The following CAMKMT variants were observed in gnomAD, a reference collection of about 807,000 sequenced individuals.
CAMKMT encodes the protein CaM KMT.
CAMKMT carries 53 observed loss-of-function variants against 48.0 expected under a neutral mutation model. The ratio of observed to expected loss-of-function variants is 1.10; its 90% CI spans 0.89 to 1.39. The LOEUF (loss-of-function observed/expected upper bound fraction) is 1.39. Ranked by LOEUF, CAMKMT falls within the 40% of genes most tolerant of loss-of-function variation. The pLI is 0.00. For synonymous variants in CAMKMT, 165 were observed against 152.3 expected, an observed-to-expected ratio of 1.08 and a Z score of -0.61; for missense variants, 428 against 402.7, an observed-to-expected ratio of 1.06 and a Z score of -0.54.
chr2:44,748,182 G>A (rs533885567), intron 8 of CAMKMT, among the ~76,000 whole-genome samples: 1 of 152,238 alleles, frequency 6.6e-6, no homozygotes, highest in Non-Finnish European at 1.5e-5. Context: ...GAGCTTACTT[G>A]GAATAAAGAT....
chr2:44,675,321 A>T (rs1345870605), intron 3 of CAMKMT, among the ~76,000 whole-genome samples: 1 of 152,134 alleles, frequency 6.6e-6, no homozygotes, highest in African/African-American at 2.4e-5. Flanking sequence ...TAATTGTCAG[A>T]TTCCGGAATC....
rs1052088744 is a variant in CAMKMT at position 44,772,229 on chromosome 2, G to A, written c.*116G>A. 5.1e-5 allele frequency: 41 copies of A among 803,210 alleles called. No individual in the cohort carries two copies. Among genetic ancestry groups the A allele is most frequent in the Non-Finnish European group, 7.5e-5 (37 of 491,974 alleles). The allele number at this position is 803,210 out of a possible 1,614,324, so 49.8% of individuals were successfully genotyped here. A position where few individuals can be genotyped will look rare whatever the true frequency, so the allele number is the denominator to read the frequency against. Reference sequence around the variant, plus strand: ...GCCTGCGCCCTTTGCAGCATTTCACGTGTGGGCTATGGACTCCACCTGTCC... The same window carrying A: ...GCCTGCGCCCTTTGCAGCATTTCACATGTGGGCTATGGACTCCACCTGTCC... On this transcript the variant is annotated 3_prime_UTR_variant, in exon 11 of 11. Coordinates refer to ENST00000378494, the MANE Select transcript of CAMKMT (RefSeq NM_024766.5).
intron 3 of CAMKMT, among the ~76,000 whole-genome samples, chr2:44,396,803 G>T (rs1192857382): frequency 2.0e-5 from 3 of 151,542 alleles, no homozygotes; most frequent in Non-Finnish European, 4.4e-5. Flanking sequence ...GCTCACACCT[G>T]TAATCCCAGC....
intron 3 of CAMKMT, among the ~76,000 whole-genome samples, chr2:44,692,516 T>C (rs1676718736): frequency 6.6e-6 from 1 of 152,250 alleles, no homozygotes; most frequent in Admixed American, 6.5e-5. Flanking sequence ...GTGTCTATTT[T>C]CCCTATGAAA....
intron 3 of CAMKMT, among the ~76,000 whole-genome samples, chr2:44,581,999 A>G (rs1403413741): frequency 6.6e-6 from 1 of 152,264 alleles, no homozygotes; most frequent in Non-Finnish European, 1.5e-5. Flanking sequence ...ACTCCGTCTC[A>G]AAAACAAAAA....
At chr2:44,392,840 A>G (rs1681479324) in intron 3 of CAMKMT, among the ~76,000 whole-genome samples, 1 of 152,080 alleles carries the variant, frequency 6.6e-6, no homozygotes. Flanking sequence ...GTATCAGTTC[A>G]TAAATCACCA....
chr2:44,584,194 G>T (rs1159057748), intron 3 of CAMKMT, among the ~76,000 whole-genome samples: 1 of 152,110 alleles, frequency 6.6e-6, no homozygotes, highest in Non-Finnish European at 1.5e-5. Flanking sequence ...TATCACTGGT[G>T]TTTTCCTTAT....
At chr2:44,469,290 T>A (rs1668291685) in intron 3 of CAMKMT, among the ~76,000 whole-genome samples, 1 of 152,054 alleles carries the variant, frequency 6.6e-6, no homozygotes, top group Non-Finnish European at 1.5e-5. Flanking sequence ...TTTTTAAAAA[T>A]TAGCTTATTT....
chr2:44,698,480 C>T (rs907038767), intron 3 of CAMKMT, among the ~76,000 whole-genome samples: 1 of 152,198 alleles, frequency 6.6e-6, no homozygotes, highest in African/African-American at 2.4e-5. Flanking sequence ...CTTTGCTTTC[C>T]TGGTGCATAT....
intron 3 of CAMKMT, among the ~76,000 whole-genome samples, chr2:44,632,577 C>G (rs1318695078): frequency 6.6e-6 from 1 of 152,028 alleles, no homozygotes; most frequent in Non-Finnish European, 1.5e-5. Flanking sequence ...AACAAAAATC[C>G]CTAATACAGT....
At chr2:44,487,682 C>A (rs1157331774) in intron 3 of CAMKMT, among the ~76,000 whole-genome samples, 2 of 152,168 alleles carry the variant, frequency 1.3e-5, no homozygotes, top group Non-Finnish European at 2.9e-5. Flanking sequence ...AACCTGTGTC[C>A]TGGGATGAGA....
intron 3 of CAMKMT, among the ~76,000 whole-genome samples, chr2:44,697,446 C>T (rs569515085): frequency 3.4e-4 from 51 of 152,036 alleles, no homozygotes; most frequent in African/African-American, 1.2e-3. Flanking sequence ...GAGATTTCCT[C>T]ATAAGGTTGA....
chr2:44,686,133 C>A (rs987047077), intron 3 of CAMKMT, among the ~76,000 whole-genome samples: 2 of 152,154 alleles, frequency 1.3e-5, no homozygotes, highest in African/African-American at 4.8e-5. Context: ...GTGGCTCACG[C>A]CTGTAATCCC....
intron 6 of CAMKMT, among the ~76,000 whole-genome samples, chr2:44,714,585 C>A (rs1440114174): frequency 6.6e-6 from 1 of 152,200 alleles, no homozygotes; most frequent in Non-Finnish European, 1.5e-5. Flanking sequence ...TGCTGCTCCT[C>A]TCCACCCCTC....
At chr2:44,588,161 C>T (rs1669990758) in intron 3 of CAMKMT, among the ~76,000 whole-genome samples, 1 of 135,556 alleles carries the variant, frequency 7.4e-6, no homozygotes, top group Non-Finnish European at 1.6e-5. Flanking sequence ...GCGCCTCTGC[C>T]CGGCCGCCCC....
chr2:44,538,932 CTT>C (rs1666930388), intron 3 of CAMKMT, among the ~76,000 whole-genome samples: 1 of 145,054 alleles, frequency 6.9e-6, no homozygotes, highest in African/African-American at 2.6e-5. Flanking sequence ...CTACACTTTT[CTT>C]TCTCTCTCTT....
At chr2:44,438,853 A>G (rs72877275) in intron 3 of CAMKMT, among the ~76,000 whole-genome samples, 2 of 151,618 alleles carry the variant, frequency 1.3e-5, no homozygotes, top group East Asian at 1.9e-4. Context: ...GTTTGCTTCA[A>G]CTCACCCTTG....
intron 3 of CAMKMT, among the ~76,000 whole-genome samples, chr2:44,631,902 T>G (rs1290902796): frequency 1.3e-5 from 2 of 152,174 alleles, no homozygotes; most frequent in African/African-American, 4.8e-5. Flanking sequence ...ACTATATAAC[T>G]TTAATTTATA....
chr2:44,533,576 G>GA (rs1214169990), intron 3 of CAMKMT, among the ~76,000 whole-genome samples: 6 of 152,160 alleles, frequency 3.9e-5, no homozygotes, highest in Non-Finnish European at 8.8e-5. Flanking sequence ...CTTCATAAAT[G>GA]AAGGAGAAAT....
Sources: allele counts gnomAD v4.1 joint callset (sites outside exome capture counted in the v4.1 genomes callset), GRCh38; gene constraint gnomAD v4.1.1; transcripts MANE v1.5; gene names NCBI Gene and HGNC (gene_info 2026-07-23, HGNC 2026-07-21).